Variants in DEAF1 observed in about 807,000 individuals in gnomAD.
DEAF1 encodes the protein DEAF1 transcription factor, also known as deformed epidermal autoregulatory factor 1 homolog.
A neutral mutation model predicts 58.9 loss-of-function variants in DEAF1; 53 were observed. That is an observed-to-expected ratio of 0.90 (90% CI 0.72 to 1.13). The LOEUF (loss-of-function observed/expected upper bound fraction) is 1.13. DEAF1 is among the 50% of genes most tolerant of loss of function. The pLI, the probability that DEAF1 is intolerant of heterozygous loss-of-function variation, is 0.00. For missense variants in DEAF1, 685 were observed against 791.4 expected (o/e 0.87, Z 1.61); for synonymous variants, 385 against 340.4 (o/e 1.13, Z -1.44).
chr11:644,697 G>C lies in DEAF1; in HGVS notation c.1594-43C>G. 1.3e-6 allele frequency: 2 copies of C among 1,509,128 alleles called. No homozygotes were observed. Among genetic ancestry groups the C allele is most frequent in the Non-Finnish European group, 1.8e-6 (2 of 1,106,686 alleles). The allele number at this position is 1,509,128 out of a possible 1,614,324, so 93.5% of individuals were successfully genotyped here. Reference sequence around the variant, plus strand: ...CCCATGTCAGCAGGGTCAGTGGGTGGAGCAGGGTCTGGGCAGGGTCCCCAA... The same window carrying C: ...CCCATGTCAGCAGGGTCAGTGGGTGCAGCAGGGTCTGGGCAGGGTCCCCAA... On this transcript the variant is annotated intron_variant, in intron 11 of 11. Transcript: ENST00000382409. This position sits in a 1 kb window ranked among gnomAD's most constrained non-coding sequence, Gnocchi z 4.3.
Position 674,762 on chromosome 11 carries a change from A to T in DEAF1, c.1277T>A (p.Leu426Gln). The T allele has an allele frequency of 6.2e-7, 1 of 1,612,818 alleles. No individual in the cohort carries two copies. The highest frequency in any genetic ancestry group is 8.5e-7 in the Non-Finnish European group (1 of 1,180,040). Reference protein sequence around the residue: ...PKIVLTSLPALAVPPPTPTKA... With the variant: ...PKIVLTSLPAQAVPPPTPTKA... ...GGTGGGAGTCGGGGGTGGGACCGCC[A>T]GCGCAGGCAGGGATGTCAACACTAG... Residue 426 changes from leucine to glutamine, a missense_variant, in exon 10 of 12, where the codon CTG becomes CAG. Leu to Gln is a moderately radical substitution (Grantham distance 113). Transcript: ENST00000382409.
intron 7 of DEAF1, among the ~76,000 whole-genome samples, chr11:680,390 A>G (rs1240453977): frequency 6.6e-6 from 1 of 152,228 alleles, no homozygotes; most frequent in Non-Finnish European, 1.5e-5. Context: ...ACAAAAGCCT[A>G]TTACAAAGAC....
intron 9 of DEAF1, among the ~76,000 whole-genome samples, chr11:677,914 G>A (rs1220730123): frequency 6.6e-6 from 1 of 151,068 alleles, no homozygotes; most frequent in Non-Finnish European, 1.5e-5. Context: ...AGTGAGCCGA[G>A]ATCGCACCAC....
chr11:680,070 A>G (rs1860280848), intron 7 of DEAF1: 2 of 557,672 alleles, frequency 3.6e-6, no homozygotes, highest in African/African-American at 1.9e-5. Context: ...AACCATGGAA[A>G]TGTGCTGCCC....
At chr11:694,227 A>G (rs1860980896) in intron 1 of DEAF1, among the ~76,000 whole-genome samples, 1 of 134,262 alleles carries the variant, frequency 7.4e-6, no homozygotes, top group African/African-American at 2.9e-5. Context: ...AAAGGGGGGC[A>G]GGGGGCAGGT....
At chr11:682,014 T>C (rs1860397648) in intron 6 of DEAF1, among the ~76,000 whole-genome samples, 1 of 152,248 alleles carries the variant, frequency 6.6e-6, no homozygotes, top group South Asian at 2.1e-4. Context: ...CTCCTTTCTC[T>C]GGGATCCTTG....
chr11:687,033 T>C, intron 4 of DEAF1, 36 bp from the exon 5 acceptor site: 1 of 1,612,764 alleles, frequency 6.2e-7, no homozygotes, highest in Non-Finnish European at 8.5e-7. Flanking sequence ...TGATGGCAGG[T>C]GGGAACGTCA....
At chr11:657,687 C>T (rs1320313968) in intron 10 of DEAF1, among the ~76,000 whole-genome samples, 5 of 152,086 alleles carry the variant, frequency 3.3e-5, no homozygotes, top group African/African-American at 2.4e-5. Context: ...ATGTCAGGGA[C>T]GCCACAGTGG....
chr11:644,496 A>G lies in DEAF1; in HGVS notation c.*54T>C. The G allele has an allele frequency of 1.4e-6, 2 of 1,453,236 alleles. No individual in the cohort carries two copies. The highest frequency in any genetic ancestry group is 1.9e-6 in the Non-Finnish European group (2 of 1,045,682). 90.0% of individuals were successfully genotyped at this position (1,453,236 alleles called of 1,614,324 possible). A position where few individuals can be genotyped will look rare whatever the true frequency, so the allele number is the denominator to read the frequency against. On this transcript the variant is annotated 3_prime_UTR_variant, in exon 12 of 12. Coordinates refer to ENST00000382409, the MANE Select transcript of DEAF1 (RefSeq NM_021008.4). This position sits in a 1 kb window ranked among gnomAD's most constrained non-coding sequence, Gnocchi z 4.3. ...GTCCTCAGGGGGGCCTTCGACCTGC[A>G]AAAGCCTCACAGGAGTGCGAGGGGC...
chr11:648,170 CAATT>C (rs1858585990), intron 11 of DEAF1, among the ~76,000 whole-genome samples: 1 of 149,710 alleles, frequency 6.7e-6, no homozygotes, highest in African/African-American at 2.5e-5. Flanking sequence ...AAGTCCTCTA[CAATT>C]AATTTTTAAA....
At chr11:706,967 C>T (rs1471513255) in exon 1 of DEAF1, among the ~76,000 whole-genome samples, 1 of 152,108 alleles carries the variant, frequency 6.6e-6, no homozygotes, top group East Asian at 1.9e-4. Context: ...GTCCAGCTGC[C>T]TGGCGTTGCC....
chr11:671,842 A>G (rs1456453751), intron 10 of DEAF1, among the ~76,000 whole-genome samples: 1 of 135,296 alleles, frequency 7.4e-6, no homozygotes, highest in Non-Finnish European at 1.6e-5. Flanking sequence ...AAAAAAAAAA[A>G]AAAAAAAGAA....
chr11:701,919 G>T (rs1022749297), intron 1 of DEAF1, among the ~76,000 whole-genome samples: 9 of 152,222 alleles, frequency 5.9e-5, no homozygotes, highest in Non-Finnish European at 1.3e-4. Context: ...GTGGCCAGCG[G>T]GGTGCAGACT....
chr11:674,713 G>C lies in DEAF1; in HGVS notation c.1326C>G (p.Val442=), dbSNP rs1397388759. 2 of 1,613,888 alleles carry C rather than the reference G, an allele frequency of 1.2e-6. No individual in the cohort carries two copies. The highest frequency in any genetic ancestry group is 1.7e-6 in the Non-Finnish European group (2 of 1,180,028). The change falls in exon 10 of 12, where the codon GTC becomes GTG. Residue 442 remains valine, a synonymous_variant. Transcript: ENST00000382409. The stretch of plus-strand genomic sequence containing the variant: ...GCGGCTCTGACAGCTCCAGCCCATT[G>C]ACCAACGCGGGAGGTGCCGCTTTGG... ...TPTKAAPPAL[V]NGLELSEPRS...
intron 10 of DEAF1, among the ~76,000 whole-genome samples, chr11:660,722 C>A (rs1385251704): frequency 6.6e-6 from 1 of 152,236 alleles, no homozygotes; most frequent in East Asian, 1.9e-4. Flanking sequence ...GGTGACTGAG[C>A]TGTCTTGGGT....
rs535460419 is a variant in DEAF1, at chr11:663,730, C to T, written c.1504-9679G>A. On this transcript the variant is annotated intron_variant, in intron 10 of 11. Coordinates refer to ENST00000382409, the MANE Select transcript of DEAF1 (RefSeq NM_021008.4). ...CAGGCTTTTGACCCTTCCTCCATCT[C>T]CTCAGCGACTGCCTCTGGAGTGAAT... Among the ~76,000 whole-genome samples, 15 of 152,118 alleles carry T rather than the reference C, an allele frequency of 9.9e-5. No homozygotes were observed. The South Asian group carries it at 2.7e-3, about 27-fold the overall frequency.
intron 10 of DEAF1, among the ~76,000 whole-genome samples, chr11:671,689 C>T (rs867074931): frequency 1.3e-4 from 20 of 150,846 alleles, no homozygotes; most frequent in Admixed American, 1.3e-3. Flanking sequence ...TTGGGCAACA[C>T]GGCAAGACCC....
At position 700,697 on chromosome 11, in the gene DEAF1, G is replaced by A. The variant is rs778526441; in HGVS notation, c.-438+5875C>T. ...TGATGGGGATTCTAGAAGCAGTTCG[G>A]TTATACCTGGGTGAGTGGACTGTTA... On this transcript the variant is annotated intron_variant, in intron 1 of 11. Coordinates refer to the DEAF1 transcript ENST00000683307. 4.2e-5 allele frequency: 67 copies of A among 1,614,006 alleles called. No individual in the cohort carries two copies. In the South Asian group the frequency reaches 7.2e-4, roughly 17 times the overall value.
chr11:679,692 G>A lies in DEAF1; in HGVS notation c.1122C>T (p.Ala374=), dbSNP rs1309618687. Residue 374 remains alanine, a synonymous_variant, in exon 8 of 12, where the codon GCC becomes GCT. Coordinates refer to ENST00000382409, the MANE Select transcript of DEAF1 (RefSeq NM_021008.4). ...SPAQGDVFAG[A]TVQEASVQPP... is the part of the protein sequence containing the mutation. ...GCAGGCACTGGAGCAGCTCACCTGT[G>A]GCCCCTGCGAAGACGTCGCCCTGGG... 6.2e-7 allele frequency: 1 copy of A among 1,612,084 alleles called. No individual in the cohort carries two copies. Among genetic ancestry groups the A allele is most frequent in the East Asian group, 2.2e-5 (1 of 44,890 alleles).
Sources: allele counts gnomAD v4.1 joint callset (sites outside exome capture counted in the v4.1 genomes callset), GRCh38; gene constraint gnomAD v4.1.1; non-coding constraint Gnocchi (gnomAD v3.1); transcripts MANE v1.5; gene names NCBI Gene and HGNC (gene_info 2026-07-23, HGNC 2026-07-21).